EPHA6: variants seen among roughly 807,000 people sequenced by gnomAD.
EPHA6 encodes the protein ephrin type-A receptor 6.
Under a neutral mutation model 112.0 loss-of-function variants are expected in EPHA6, and 50 were observed. The observed-to-expected ratio is 0.45, with a 90% CI of 0.36 to 0.56. The LOEUF is 0.56. Among genes scored for constraint, EPHA6 ranks in the 20% least tolerant of loss-of-function variants. The pLI, the probability that EPHA6 is intolerant of heterozygous loss-of-function variation, is 0.00. For missense variants in EPHA6, 1,280 were observed against 1,417.4 expected (o/e 0.90, Z 1.56); for synonymous variants, 529 against 490.7 (o/e 1.08, Z -1.03).
intron 8 of EPHA6, among the ~76,000 whole-genome samples, chr3:97,476,816 A>G (rs537300558): frequency 1.3e-5 from 2 of 152,282 alleles, no homozygotes; most frequent in East Asian, 1.9e-4. Flanking sequence ...TTAAGTGGAA[A>G]GAAGGCACTT....
At chr3:97,370,797 A>G (rs958984044) in intron 5 of EPHA6, among the ~76,000 whole-genome samples, 6 of 152,156 alleles carry the variant, frequency 3.9e-5, no homozygotes, top group Admixed American at 3.3e-4. Context: ...AAACAATATT[A>G]TAGGGCTGCA....
At chr3:97,700,083 T>A (rs2033286767) in intron 14 of EPHA6, among the ~76,000 whole-genome samples, 1 of 152,254 alleles carries the variant, frequency 6.6e-6, no homozygotes, top group Admixed American at 6.5e-5. Context: ...TGTTTGCTAC[T>A]TCTTCATGTG....
chr3:96,925,880 A>G (rs2040012509), intron 2 of EPHA6, among the ~76,000 whole-genome samples: 4 of 152,230 alleles, frequency 2.6e-5, no homozygotes, highest in Middle Eastern at 3.4e-3. Flanking sequence ...TGCTGAGATT[A>G]CAGGTGTGAG....
chr3:96,854,441 A>T (rs2035577451), intron 1 of EPHA6, among the ~76,000 whole-genome samples: 2 of 151,922 alleles, frequency 1.3e-5, no homozygotes. Flanking sequence ...TAAGCCTGAA[A>T]TCTAAATTAG....
At chr3:97,108,140 G>T (rs571370672) in intron 3 of EPHA6, among the ~76,000 whole-genome samples, 1 of 152,250 alleles carries the variant, frequency 6.6e-6, no homozygotes, top group Admixed American at 6.5e-5. Flanking sequence ...CAGGTAAATT[G>T]CATACTAGGT....
chr3:97,272,157 T>C (rs943106493), intron 5 of EPHA6, among the ~76,000 whole-genome samples: 1 of 152,194 alleles, frequency 6.6e-6, no homozygotes, highest in African/African-American at 2.4e-5. Context: ...TTCAAAAGAT[T>C]CCACACATAA....
chr3:97,348,494 T>A (rs989375966), intron 5 of EPHA6, among the ~76,000 whole-genome samples: 1 of 151,976 alleles, frequency 6.6e-6, no homozygotes, highest in South Asian at 2.1e-4. Context: ...GTTTTTTTTT[T>A]ATTAGGTAGT....
At chr3:97,603,673 T>G (rs1253586654) in intron 12 of EPHA6, among the ~76,000 whole-genome samples, 1 of 151,928 alleles carries the variant, frequency 6.6e-6, no homozygotes, top group Non-Finnish European at 1.5e-5. Flanking sequence ...CAACATAGAT[T>G]GTTAATGGGA....
intron 2 of EPHA6, among the ~76,000 whole-genome samples, chr3:96,954,879 C>T (rs566374913): frequency 6.2e-5 from 9 of 145,974 alleles, no homozygotes; most frequent in African/African-American, 1.5e-4. Context: ...CTGCAAGCTC[C>T]GCTTCCCGGG....
chr3:96,900,619 T>C (rs1402905841), intron 2 of EPHA6, among the ~76,000 whole-genome samples: 1 of 152,210 alleles, frequency 6.6e-6, no homozygotes, highest in Non-Finnish European at 1.5e-5. Context: ...ACAGCAAGCA[T>C]GGAAAGAGAC....
intron 13 of EPHA6, among the ~76,000 whole-genome samples, chr3:97,634,201 C>T (rs1445807750): frequency 6.6e-6 from 1 of 152,028 alleles, no homozygotes; most frequent in Non-Finnish European, 1.5e-5. Flanking sequence ...AAGATAATCA[C>T]TACGTTTACA....
intron 3 of EPHA6, among the ~76,000 whole-genome samples, chr3:97,133,804 C>G (rs2075698803): frequency 6.6e-6 from 1 of 151,842 alleles, no homozygotes; most frequent in African/African-American, 2.4e-5. Flanking sequence ...CCTAGGAGAT[C>G]AAAGAAGTCA....
At chr3:97,702,423 A>T (rs2033446875) in intron 14 of EPHA6, among the ~76,000 whole-genome samples, 1 of 152,204 alleles carries the variant, frequency 6.6e-6, no homozygotes, top group African/African-American at 2.4e-5. Flanking sequence ...GAAACTAAGC[A>T]CCTGGTCAAA....
Position 97,278,825 on chromosome 3 carries a change from G to T in EPHA6, c.1606+34538G>T, listed in dbSNP as rs138067842. Among the ~76,000 whole-genome samples the T allele has an allele frequency of 4.7e-4, 72 of 152,342 alleles. No individual in the cohort carries two copies. In the East Asian group the frequency reaches 8.9e-3, roughly 19 times the overall value. ...GGCCTGCACACACCCCTCATGGGCAGCAGCAGAAGGATTTTGACTCAGACT... is the reference window on the plus strand; with the variant it reads ...GGCCTGCACACACCCCTCATGGGCATCAGCAGAAGGATTTTGACTCAGACT... On this transcript the variant is annotated intron_variant, in intron 5 of 17. Coordinates refer to ENST00000389672, the MANE Select transcript of EPHA6 (RefSeq NM_001080448.3).
At chr3:97,324,435 T>TTCTTTC (rs1350694429) in intron 5 of EPHA6, among the ~76,000 whole-genome samples, 7 of 148,370 alleles carry the variant, frequency 4.7e-5, no homozygotes, top group Non-Finnish European at 1.0e-4. Flanking sequence ...CTTTCTTTCT[T>TTCTTTC]TCTTTCTTTC....
At chr3:97,620,938 G>A (rs906707330) in intron 13 of EPHA6, among the ~76,000 whole-genome samples, 60 of 151,802 alleles carry the variant, frequency 4.0e-4, no homozygotes, top group African/African-American at 1.3e-3. Flanking sequence ...AATAGAAATC[G>A]TTCTATTATA....
At chr3:97,629,692 T>C (rs1394607067) in intron 13 of EPHA6, among the ~76,000 whole-genome samples, 3 of 151,988 alleles carry the variant, frequency 2.0e-5, no homozygotes, top group East Asian at 1.9e-4. Context: ...TTATGAGATA[T>C]TGGATTTACA....
At chr3:96,931,999 C>T (rs78860029) in intron 2 of EPHA6, among the ~76,000 whole-genome samples, 3,791 of 152,142 alleles carry the variant, frequency 0.025, 158 homozygotes, top group African/African-American at 0.085. Context: ...GCCCTCATGC[C>T]GTGGGCTCAT....
At chr3:96,915,300 G>T (rs939356938) in intron 2 of EPHA6, among the ~76,000 whole-genome samples, 1 of 151,946 alleles carries the variant, frequency 6.6e-6, no homozygotes, top group African/African-American at 2.4e-5. Context: ...ATGTTAATAA[G>T]AGGGTTCATT....
Sources: gnomAD v4.1 joint callset for allele counts (sites outside exome capture counted in the v4.1 genomes callset) on GRCh38, gnomAD v4.1.1 for gene constraint, MANE v1.5 for transcripts, NCBI Gene and HGNC (gene_info 2026-07-23, HGNC 2026-07-21) for gene names.